IGF2BP3: variants seen among roughly 807,000 people sequenced by gnomAD.
The protein encoded by IGF2BP3 is insulin-like growth factor 2 mRNA-binding protein 3.
A neutral mutation model predicts 73.8 loss-of-function variants in IGF2BP3; 9 were observed. That is an observed-to-expected ratio of 0.12 (90% CI 0.07 to 0.21). The LOEUF (loss-of-function observed/expected upper bound fraction) is 0.21, where lower values mean the gene tolerates loss of function less well. IGF2BP3 is among the 10% of genes least tolerant of loss of function. The pLI, the probability that IGF2BP3 is intolerant of heterozygous loss-of-function variation, is 1.00. For missense variants in IGF2BP3, 542 were observed against 714.0 expected (o/e 0.76, Z 2.75); for synonymous variants, 258 against 256.7 (o/e 1.01, Z -0.05).
intron 6 of IGF2BP3, among the ~76,000 whole-genome samples, chr7:23,348,019 AACAAATGTCTCATG>A (rs1784875040): frequency 6.6e-6 from 1 of 152,264 alleles, no homozygotes; most frequent in Non-Finnish European, 1.5e-5. Flanking sequence ...GATGCCACAG[AACAAATGTCTCATG>A]ACAAAGAGCC....
chr7:23,459,830 C>T (rs991904600), intron 2 of IGF2BP3, among the ~76,000 whole-genome samples: 8 of 150,834 alleles, frequency 5.3e-5, no homozygotes, highest in East Asian at 2.0e-4. Flanking sequence ...GATTCTGACT[C>T]GAAAAAAGAA....
intron 3 of IGF2BP3, among the ~76,000 whole-genome samples, chr7:23,403,860 CG>C (rs1040610189): frequency 1.3e-5 from 2 of 151,830 alleles, no homozygotes; most frequent in Admixed American, 6.6e-5. Context: ...CGGTGACTCA[CG>C]ACTGTAATCC....
intron 12 of IGF2BP3, among the ~76,000 whole-genome samples, chr7:23,316,213 T>A (rs951798064): frequency 6.6e-6 from 1 of 152,208 alleles, no homozygotes; most frequent in African/African-American, 2.4e-5. Context: ...ACCTCCTTCG[T>A]TTCCCATTCT....
At chr7:23,319,455 A>G (rs1784077683) in intron 10 of IGF2BP3, among the ~76,000 whole-genome samples, 1 of 152,170 alleles carries the variant, frequency 6.6e-6, no homozygotes, top group Non-Finnish European at 1.5e-5. Context: ...AGTGGTATTT[A>G]AAATTTCACT....
intron 2 of IGF2BP3, among the ~76,000 whole-genome samples, chr7:23,446,331 G>A (rs1038732449): frequency 3.3e-5 from 5 of 151,840 alleles, no homozygotes; most frequent in South Asian, 2.1e-4. Context: ...GGAGACCAAG[G>A]TGGGTGGATT....
chr7:23,385,965 T>C (rs776654688), intron 3 of IGF2BP3, among the ~76,000 whole-genome samples: 2 of 152,212 alleles, frequency 1.3e-5, no homozygotes, highest in Admixed American at 6.5e-5. Context: ...TGTGATGATA[T>C]TGATTTTTTT....
chr7:23,321,854 C>G (rs1383161818), intron 10 of IGF2BP3, among the ~76,000 whole-genome samples: 1 of 152,180 alleles, frequency 6.6e-6, no homozygotes, highest in Admixed American at 6.5e-5. Flanking sequence ...AGACCTGCAG[C>G]TGAGGGTCCT....
intron 2 of IGF2BP3, among the ~76,000 whole-genome samples, chr7:23,433,340 T>C (rs1039020428): frequency 1.3e-5 from 2 of 152,194 alleles, no homozygotes; most frequent in Non-Finnish European, 2.9e-5. Context: ...GTCTAACTAC[T>C]TGAAATGTGG....
At chr7:23,339,065 T>A (rs1330648294) in intron 10 of IGF2BP3, among the ~76,000 whole-genome samples, 1 of 152,260 alleles carries the variant, frequency 6.6e-6, no homozygotes, top group Non-Finnish European at 1.5e-5. Context: ...ACCACCAGAC[T>A]GTTACATCTT....
chr7:23,451,806 A>T (rs971626422), intron 2 of IGF2BP3, among the ~76,000 whole-genome samples: 39 of 151,384 alleles, frequency 2.6e-4, no homozygotes, highest in Non-Finnish European at 7.4e-5. Flanking sequence ...AAATTAGCCT[A>T]GTATGGAGGC....
chr7:23,457,779 A>C (rs1472212005), intron 2 of IGF2BP3, among the ~76,000 whole-genome samples: 1 of 152,240 alleles, frequency 6.6e-6, no homozygotes, highest in East Asian at 1.9e-4. Context: ...ACTACTAGAG[A>C]GAGTGAGGAT....
intron 10 of IGF2BP3, among the ~76,000 whole-genome samples, chr7:23,335,345 CAATCA>C (rs1784547365): frequency 6.6e-6 from 1 of 151,466 alleles, no homozygotes; most frequent in African/African-American, 2.4e-5. Flanking sequence ...TGCAGTGGCT[CAATCA>C]CGGATCACTG....
intron 2 of IGF2BP3, among the ~76,000 whole-genome samples, chr7:23,440,156 G>A (rs558707545): frequency 2.6e-5 from 4 of 152,090 alleles, no homozygotes; most frequent in South Asian, 2.1e-4. Context: ...CCAGCTACTC[G>A]GGAGGCTGAG....
At chr7:23,359,978 C>T (rs972363697) in intron 5 of IGF2BP3, among the ~76,000 whole-genome samples, 3 of 151,652 alleles carry the variant, frequency 2.0e-5, no homozygotes, top group African/African-American at 7.3e-5. Context: ...ACAAAGGATA[C>T]CAACAGAAGA....
At chr7:23,437,110 C>T (rs185399021) in intron 2 of IGF2BP3, among the ~76,000 whole-genome samples, 1 of 151,272 alleles carries the variant, frequency 6.6e-6, no homozygotes, top group Admixed American at 6.6e-5. Context: ...TAGAGTCAGA[C>T]CCTGTCTCAA....
chr7:23,411,066 T>C (rs772503633), intron 3 of IGF2BP3, among the ~76,000 whole-genome samples: 1 of 152,132 alleles, frequency 6.6e-6, no homozygotes, highest in Non-Finnish European at 1.5e-5. Context: ...GAAAGGCACC[T>C]ACCGAGAACA....
chr7:23,350,960 C>G (rs1015775974), intron 6 of IGF2BP3, among the ~76,000 whole-genome samples: 4 of 152,172 alleles, frequency 2.6e-5, no homozygotes, highest in African/African-American at 9.7e-5. Context: ...CAGAAAATTA[C>G]TTCCAAAAAC....
intron 3 of IGF2BP3, among the ~76,000 whole-genome samples, chr7:23,375,013 A>G (rs910075924): frequency 2.0e-5 from 3 of 152,242 alleles, no homozygotes; most frequent in Non-Finnish European, 4.4e-5. Context: ...ATTTTTAAAA[A>G]GGTATGTGTA....
intron 2 of IGF2BP3, among the ~76,000 whole-genome samples, chr7:23,439,261 T>G (rs1787873702): frequency 6.6e-6 from 1 of 151,188 alleles, no homozygotes; most frequent in Non-Finnish European, 1.5e-5. Flanking sequence ...AAATAAAAAG[T>G]GACATGTTTG....
Sources: allele counts gnomAD v4.1 joint callset (sites outside exome capture counted in the v4.1 genomes callset), GRCh38; gene constraint gnomAD v4.1.1; transcripts MANE v1.5; gene names NCBI Gene and HGNC (gene_info 2026-07-23, HGNC 2026-07-21).